The following SCYL2 variants were observed in gnomAD, a reference collection of about 807,000 sequenced individuals.
The protein encoded by SCYL2 is SCY1-like protein 2.
SCYL2 carries 36 observed loss-of-function variants against 100.4 expected under a neutral mutation model. The observed-to-expected ratio is 0.36, with a 90% confidence interval of 0.27 to 0.47. The LOEUF is 0.47. SCYL2 is among the 20% of genes least tolerant of loss of function. The probability of loss-of-function intolerance (pLI) is 1.00; values close to 1 mark genes in which losing one functional copy is unlikely to be tolerated. For missense variants in SCYL2, 902 were observed against 1,083.9 expected, an observed-to-expected ratio of 0.83 and a Z score of 2.36; for synonymous variants, 330 against 359.2, an observed-to-expected ratio of 0.92 and a Z score of 0.92.
rs1555316537 is a variant in SCYL2 at position 100,281,024 on chromosome 12, T to TTTG, written c.-28-1917_-28-1916insGTT. On this transcript the variant is annotated intron_variant, in intron 1 of 17. Transcript: ENST00000360820. ...ATTGTCCCTTTACCATCAGTGTTTT[T>TTTG]TTTTTTTTTTTTTTTTTTTTTTTTG... 7.2e-3 allele frequency among the ~76,000 whole-genome samples: 761 copies of TTTG among 106,012 alleles called. 35 individuals carry two copies. The highest frequency in any genetic ancestry group is 0.022 in the African/African-American group (507 of 22,792). The allele number at this position is 106,012 out of a possible 152,430, so 69.5% of individuals were successfully genotyped here.
At chr12:100,316,380 G>A (rs75778218) in intron 9 of SCYL2, among the ~76,000 whole-genome samples, 2,583 of 152,256 alleles carry the variant, frequency 0.017, 72 homozygotes, top group African/African-American at 0.058. Flanking sequence ...GACTTGTGTC[G>A]TTGCCATCTT....
At chr12:100,306,254 A>G (rs991831152) in intron 4 of SCYL2, among the ~76,000 whole-genome samples, 3 of 152,220 alleles carry the variant, frequency 2.0e-5, no homozygotes, top group Admixed American at 6.5e-5. Flanking sequence ...AAAATCCTCA[A>G]TAAAATACTG....
chr12:100,283,560 G>A (rs562533968), intron 2 of SCYL2, among the ~76,000 whole-genome samples: 11 of 152,200 alleles, frequency 7.2e-5, no homozygotes, highest in South Asian at 2.1e-4. Flanking sequence ...GTGCGTCTTA[G>A]TGCAGTCAGT....
chr12:100,315,793 T>C, intron 9 of SCYL2, 59 bp downstream of exon 9: 4 of 1,372,584 alleles, frequency 2.9e-6, no homozygotes, highest in Non-Finnish European at 2.9e-6. Context: ...TGACTATCAC[T>C]GAAAACAAAA....
At position 100,314,503 on chromosome 12, in the gene SCYL2, T is replaced by C; in HGVS notation, c.984T>C (p.Asp328=). Residue 328 remains aspartate, a synonymous_variant, in exon 8 of 18, where the codon GAT becomes GAC. Coordinates refer to ENST00000360820, the MANE Select transcript of SCYL2 (RefSeq NM_017988.6). ...ADQMTKIPFF[D]DVGAVTLQYF... ...ATTTTTTTTAGATTCCCTTCTTTGA[T>C]GATGTTGGTGCAGTAACACTGCAAT... The C allele has an allele frequency of 6.3e-7, 1 of 1,582,014 alleles. No homozygotes were observed. Among genetic ancestry groups the C allele is most frequent in the Non-Finnish European group, 8.6e-7 (1 of 1,160,152 alleles).
chr12:100,333,095 C>G (rs1389003773), intron 13 of SCYL2, among the ~76,000 whole-genome samples: 2 of 143,732 alleles, frequency 1.4e-5, no homozygotes, highest in Non-Finnish European at 3.0e-5. Flanking sequence ...TTTTTTTTGT[C>G]TGTGCACTTT....
At chr12:100,274,555 A>G (rs532571602) in intron 1 of SCYL2, among the ~76,000 whole-genome samples, 2 of 152,316 alleles carry the variant, frequency 1.3e-5, no homozygotes, top group East Asian at 3.9e-4. Context: ...TTTCTTATCA[A>G]ACTTCCTTGT....
chr12:100,304,232 C>G (rs1424824354), intron 4 of SCYL2, among the ~76,000 whole-genome samples: 1 of 152,094 alleles, frequency 6.6e-6, no homozygotes, highest in Non-Finnish European at 1.5e-5. Flanking sequence ...CCACTTGGTT[C>G]CCTGGCTTCA....
rs906138255 is a variant in SCYL2, at chr12:100,292,062, A to G, written c.335+402A>G. The G allele has an allele frequency of 1.9e-5, 3 of 157,730 alleles. No homozygotes were observed. In the South Asian group the frequency reaches 5.7e-4, roughly 30 times the overall value. 9.8% of individuals were successfully genotyped at this position (157,730 alleles called of 1,614,324 possible). On this transcript the variant is annotated intron_variant, in intron 3 of 17. Coordinates refer to ENST00000360820, the MANE Select transcript of SCYL2 (RefSeq NM_017988.6). Reference sequence around the variant, plus strand: ...GTGTGTGCCAACTACTGTTTCAGACACTTAACCTTCTACTATGCCTAGCAT... The same window carrying G: ...GTGTGTGCCAACTACTGTTTCAGACGCTTAACCTTCTACTATGCCTAGCAT...
At chr12:100,299,758 G>A (rs2096325372) in intron 4 of SCYL2, among the ~76,000 whole-genome samples, 1 of 150,356 alleles carries the variant, frequency 6.7e-6, no homozygotes, top group Admixed American at 6.6e-5. Flanking sequence ...TAGTCCATTT[G>A]CCTGTTCATA....
Position 100,335,698 on chromosome 12 carries a change from A to C in SCYL2, c.1929+7A>C. 6.2e-7 allele frequency: 1 copy of C among 1,609,716 alleles called. No homozygotes were observed. The highest frequency in any genetic ancestry group is 8.5e-7 in the Non-Finnish European group (1 of 1,177,216). Reference sequence around the variant, plus strand: ...TACAAATATTGGGAATCAGGTAAGAAGCAGCTTAATTTTTGCAGAAAGTAT... The same window carrying C: ...TACAAATATTGGGAATCAGGTAAGACGCAGCTTAATTTTTGCAGAAAGTAT... On this transcript the variant is annotated splice_region_variant and intron_variant, in intron 15 of 17. Transcript: ENST00000360820.
Position 100,320,481 on chromosome 12 carries a change from G to A in SCYL2, c.1395+2556G>A, listed in dbSNP as rs1157500150. 3.9e-5 allele frequency among the ~76,000 whole-genome samples: 6 copies of A among 152,168 alleles called. No homozygotes were observed. In the East Asian group the frequency reaches 9.6e-4, roughly 24 times the overall value. On this transcript the variant is annotated intron_variant, in intron 10 of 17. Coordinates refer to ENST00000360820, the MANE Select transcript of SCYL2 (RefSeq NM_017988.6). ...GAGAATGGCTTGAACCCGGGAGGCG[G>A]AGGATGCAGTGAGCTGAGATCGTGC...
At position 100,339,365 on chromosome 12, in the gene SCYL2, G is replaced by C. The variant is rs1401234214; in HGVS notation, c.*193G>C. On this transcript the variant is annotated 3_prime_UTR_variant, in exon 18 of 18. Transcript: ENST00000360820. Reference sequence around the variant, plus strand: ...CCAGTTGAGTTTTTTAAAGCATTGAGGATTTTTTCCTCTTACCAACTCCTC... The same window carrying C: ...CCAGTTGAGTTTTTTAAAGCATTGACGATTTTTTCCTCTTACCAACTCCTC... The C allele has an allele frequency of 1.8e-6, 1 of 560,150 alleles. No individual in the cohort carries two copies. Among genetic ancestry groups the C allele is most frequent in the East Asian group, 3.1e-5 (1 of 32,378 alleles). The allele number at this position is 560,150 out of a possible 1,614,324, so 34.7% of individuals were successfully genotyped here.
intron 2 of SCYL2, 50 bp downstream of exon 2, chr12:100,283,197 C>T: frequency 6.9e-7 from 1 of 1,445,010 alleles, no homozygotes; most frequent in Non-Finnish European, 9.3e-7. Context: ...TGCTAAGAAC[C>T]ATAAAATGCA....
chr12:100,316,788 T>C (rs909652764), intron 9 of SCYL2, among the ~76,000 whole-genome samples: 2 of 152,224 alleles, frequency 1.3e-5, no homozygotes, highest in African/African-American at 4.8e-5. Flanking sequence ...CATTCTTTTT[T>C]CTCTTAGTTG....
intron 13 of SCYL2, among the ~76,000 whole-genome samples, chr12:100,332,655 G>A (rs1217662218): frequency 1.3e-5 from 2 of 152,070 alleles, no homozygotes; most frequent in Non-Finnish European, 2.9e-5. Context: ...ATGACTGGAA[G>A]GGGGTATAAG....
intron 4 of SCYL2, among the ~76,000 whole-genome samples, chr12:100,299,514 T>G (rs2096325017): frequency 6.6e-6 from 1 of 152,144 alleles, no homozygotes; most frequent in Admixed American, 6.5e-5. Flanking sequence ...CCCTGTCCCC[T>G]TTTCCTTGCA....
At chr12:100,321,782 C>G (rs1018057486) in intron 10 of SCYL2, among the ~76,000 whole-genome samples, 11 of 152,130 alleles carry the variant, frequency 7.2e-5, no homozygotes, top group Non-Finnish European at 1.5e-4. Flanking sequence ...GTAGCTCACA[C>G]CTGTAATTTG....
chr12:100,269,775 A>G (rs965438341), intron 1 of SCYL2, among the ~76,000 whole-genome samples: 1 of 152,150 alleles, frequency 6.6e-6, no homozygotes, highest in African/African-American at 2.4e-5. Flanking sequence ...TTTGCTGTTC[A>G]TCAGAATCAC....
Sources: gnomAD v4.1 joint callset for allele counts (sites outside exome capture counted in the v4.1 genomes callset) on GRCh38, gnomAD v4.1.1 for gene constraint, MANE v1.5 for transcripts, NCBI Gene and HGNC (gene_info 2026-07-23, HGNC 2026-07-21) for gene names.